TENM2: variants seen among roughly 807,000 people sequenced by gnomAD.
TENM2 encodes teneurin-2.
Under a neutral mutation model 245.2 loss-of-function variants are expected in TENM2, and 52 were observed. The ratio of observed to expected loss-of-function variants is 0.21; its 90% CI spans 0.17 to 0.27. The LOEUF (loss-of-function observed/expected upper bound fraction) is 0.27. Ranked by LOEUF, TENM2 falls within the 10% of genes least tolerant of loss-of-function variation. TENM2 has a pLI of 1.00. For synonymous variants in TENM2, 1,363 were observed against 1,438.9 expected (o/e 0.95, Z 1.19); for missense variants, 3,046 against 3,666.8 (o/e 0.83, Z 4.37).
At chr5:168,005,706 A>G (rs1321968162) in intron 5 of TENM2, among the ~76,000 whole-genome samples, 1 of 152,204 alleles carries the variant, frequency 6.6e-6, no homozygotes, top group Non-Finnish European at 1.5e-5. Context: ...ATGAAAAGTA[A>G]CTAGGTATGA....
At position 168,244,762 on chromosome 5, in the gene TENM2, T is replaced by G; in HGVS notation, c.5817+46T>G. The G allele has an allele frequency of 7.3e-7, 1 of 1,367,592 alleles. No individual in the cohort carries two copies. The highest frequency in any genetic ancestry group is 2.9e-5 in the Admixed American group (1 of 34,444). 84.7% of individuals were successfully genotyped at this position (1,367,592 alleles called of 1,614,324 possible). ...GACAGCAAGGGCTTTCTGTTATTTC[T>G]GTTATTCCGGCTTCTTTTTTTTTTT... On this transcript the variant is annotated intron_variant, in intron 26 of 28. Coordinates refer to ENST00000518659, the Ensembl canonical transcript of TENM2. The surrounding 1 kb of genome is among the most constrained non-coding windows in gnomAD (Gnocchi z 4.9).
chr5:167,712,402 A>C (rs1234708905), intron 2 of TENM2, among the ~76,000 whole-genome samples: 1 of 152,230 alleles, frequency 6.6e-6, no homozygotes, highest in Non-Finnish European at 1.5e-5. Flanking sequence ...TGTGAGAAAA[A>C]CAAACTGGAT....
At chr5:167,372,991 G>A (rs1469502154) in intron 1 of TENM2, among the ~76,000 whole-genome samples, 2 of 152,222 alleles carry the variant, frequency 1.3e-5, no homozygotes, top group Non-Finnish European at 2.9e-5. Context: ...ACTGTACCCA[G>A]GGAATAAACA....
intron 5 of TENM2, among the ~76,000 whole-genome samples, chr5:168,004,515 G>GCGCACACACACACACACACACA (rs1784666552): frequency 1.4e-5 from 1 of 73,632 alleles, no homozygotes; most frequent in South Asian, 5.7e-4. Flanking sequence ...ATGCGCGCGC[G>GCGCACACACACACACACACACA]CGCACACACA....
chr5:167,843,783 C>T (rs1348735495), intron 2 of TENM2, among the ~76,000 whole-genome samples: 1 of 152,154 alleles, frequency 6.6e-6, no homozygotes, highest in Non-Finnish European at 1.5e-5. Context: ...TTATGCTGGA[C>T]CCATTATAAC....
intron 9 of TENM2, among the ~76,000 whole-genome samples, chr5:168,107,192 A>G (rs1050203912): frequency 2.0e-5 from 3 of 148,310 alleles, no homozygotes; most frequent in Non-Finnish European, 3.0e-5. Flanking sequence ...ATGACCTCCA[A>G]CAATTTCTGC....
intron 2 of TENM2, among the ~76,000 whole-genome samples, chr5:167,769,132 A>G (rs1330541219): frequency 6.6e-6 from 1 of 152,184 alleles, no homozygotes; most frequent in Non-Finnish European, 1.5e-5. Context: ...GTTTTTATTG[A>G]CATCTCTGTC....
intron 3 of TENM2, among the ~76,000 whole-genome samples, chr5:167,907,086 G>A (rs139371098): frequency 0.095 from 14,460 of 151,984 alleles, 1,706 homozygotes; most frequent in African/African-American, 0.27. Context: ...TACAAAATTA[G>A]CCGGGTGTGG....
the TENM2 span, among the ~76,000 whole-genome samples, chr5:167,273,319 G>T: frequency 0.11 from 17,171 of 152,058 alleles, 1,128 homozygotes; most frequent in East Asian, 0.18. Flanking sequence ...ATCCGGTGAT[G>T]GCCATTTGTC....
At chr5:167,219,974 T>C in the TENM2 span, among the ~76,000 whole-genome samples, 1 of 152,236 alleles carries the variant, frequency 6.6e-6, no homozygotes, top group Non-Finnish European at 1.5e-5. Flanking sequence ...TGATTTGAGG[T>C]AGATAAACTT....
intron 2 of TENM2, among the ~76,000 whole-genome samples, chr5:167,678,122 T>G (rs936259372): frequency 6.6e-6 from 1 of 152,132 alleles, no homozygotes; most frequent in Non-Finnish European, 1.5e-5. Context: ...TGCAAACACA[T>G]GCAGAAAAGA....
At chr5:168,195,108 G>C (rs1251022041) in intron 14 of TENM2, 68 bp from the exon 17 acceptor site, 2 of 1,541,740 alleles carry the variant, frequency 1.3e-6, no homozygotes, top group Non-Finnish European at 8.8e-7. Context: ...TGAGGGAGCA[G>C]AGGCAGTGGG....
the TENM2 span, among the ~76,000 whole-genome samples, chr5:167,126,365 C>T: frequency 5.3e-5 from 8 of 152,158 alleles, no homozygotes; most frequent in African/African-American, 1.4e-4. Flanking sequence ...TCCAAATTCT[C>T]CCTCATTTCT....
intron 15 of TENM2, among the ~76,000 whole-genome samples, chr5:168,198,566 G>T (rs34640925): frequency 0.077 from 11,775 of 152,228 alleles, 496 homozygotes; most frequent in Middle Eastern, 0.14. Flanking sequence ...GTTGAGCTCT[G>T]CTCTACACTC....
chr5:167,227,467 C>T, the TENM2 span, among the ~76,000 whole-genome samples: 2 of 152,126 alleles, frequency 1.3e-5, no homozygotes, highest in Non-Finnish European at 2.9e-5. Context: ...TGAATTCCCT[C>T]GGTCTTTACT....
At chr5:168,179,380 G>T (rs1759652396) in intron 13 of TENM2, among the ~76,000 whole-genome samples, 1 of 152,236 alleles carries the variant, frequency 6.6e-6, no homozygotes, top group Non-Finnish European at 1.5e-5. Flanking sequence ...GACTTAAGTG[G>T]CTGGCAGAGG....
intron 1 of TENM2, among the ~76,000 whole-genome samples, chr5:167,362,908 C>T (rs564517644): frequency 1.6e-4 from 24 of 152,080 alleles, no homozygotes; most frequent in Non-Finnish European, 2.8e-4. Flanking sequence ...TAGCTAATAT[C>T]GATCGACTTA....
intron 3 of TENM2, among the ~76,000 whole-genome samples, chr5:167,886,086 G>T (rs574649795): frequency 3.3e-5 from 5 of 152,156 alleles, no homozygotes; most frequent in African/African-American, 9.7e-5. Context: ...GCCACAGTGT[G>T]CTCCTGCCTG....
intron 2 of TENM2, among the ~76,000 whole-genome samples, chr5:167,846,978 A>T (rs1770102131): frequency 7.2e-6 from 1 of 139,650 alleles, no homozygotes; most frequent in Non-Finnish European, 1.6e-5. Context: ...TTGATTGGAA[A>T]TGGGATCTCA....
Sources: allele counts gnomAD v4.1 joint callset (sites outside exome capture counted in the v4.1 genomes callset), GRCh38; gene constraint gnomAD v4.1.1; non-coding constraint Gnocchi (gnomAD v3.1); transcripts MANE v1.5; gene names NCBI Gene and HGNC (gene_info 2026-07-23, HGNC 2026-07-21).